The following RRAS2 variants were observed in gnomAD, a reference collection of about 807,000 sequenced individuals.
The protein encoded by RRAS2 is RAS related 2.
Under a neutral mutation model 27.6 loss-of-function variants are expected in RRAS2, and 7 were observed. That is an observed-to-expected ratio of 0.25 (90% CI 0.14 to 0.48). The LOEUF (loss-of-function observed/expected upper bound fraction) is 0.48. RRAS2 is among the 20% of genes least tolerant of loss of function. The pLI is 0.99. For synonymous variants in RRAS2, 86 were observed against 90.9 expected (o/e 0.95, Z 0.31); for missense variants, 178 against 256.2 (o/e 0.69, Z 2.08).
intron 1 of RRAS2, among the ~76,000 whole-genome samples, chr11:14,301,969 CGA>C (rs1410546086): frequency 3.2e-4 from 48 of 151,574 alleles, no homozygotes; most frequent in Non-Finnish European, 1.2e-4. Context: ...GGCAACAGAG[CGA>C]GACTCTTTCA....
chr11:14,335,389 T>C (rs1037469763), intron 1 of RRAS2, among the ~76,000 whole-genome samples: 5 of 152,242 alleles, frequency 3.3e-5, no homozygotes, highest in Non-Finnish European at 7.3e-5. Flanking sequence ...TACCTTCATA[T>C]GGCAGCCCCT....
chr11:14,282,109 G>A (rs527725016), intron 4 of RRAS2, among the ~76,000 whole-genome samples: 1 of 152,330 alleles, frequency 6.6e-6, no homozygotes, highest in African/African-American at 2.4e-5. Flanking sequence ...GAGTTGAGGG[G>A]TGGAGGGTGG....
chr11:14,331,298 A>T (rs143959876), intron 1 of RRAS2, among the ~76,000 whole-genome samples: 1 of 152,328 alleles, frequency 6.6e-6, no homozygotes, highest in East Asian at 1.9e-4. Flanking sequence ...TCAGTGTACT[A>T]AGTAAATATA....
chr11:14,329,947 T>A (rs571477067), intron 1 of RRAS2, among the ~76,000 whole-genome samples: 1 of 152,054 alleles, frequency 6.6e-6, no homozygotes, highest in Non-Finnish European at 1.5e-5. Context: ...TGGTGACACA[T>A]GCTTGTAGTC....
At position 14,278,606 on chromosome 11, in the gene RRAS2, T is replaced by A. The variant is rs1849436856; in HGVS notation, c.*731A>T. 1 of 152,232 alleles carries A rather than the reference T, an allele frequency of 6.6e-6. No homozygotes were observed. Among genetic ancestry groups the A allele is most frequent in the African/African-American group, 2.4e-5 (1 of 41,458 alleles). The allele number at this position is 152,232 out of a possible 1,614,324, so 9.4% of individuals were successfully genotyped here. On this transcript the variant is annotated 3_prime_UTR_variant, in exon 6 of 6. Transcript: ENST00000256196. ...CTTGAAAAGGAAGACAGAAGGAAAT[T>A]ATTCCTTTTTACCCTTAGCGTGGCT... is the stretch of plus-strand genomic sequence containing the variant.
At chr11:14,352,883 G>A (rs552723206) in intron 1 of RRAS2, among the ~76,000 whole-genome samples, 14 of 150,390 alleles carry the variant, frequency 9.3e-5, no homozygotes, top group Non-Finnish European at 1.9e-4. Flanking sequence ...ACAACCCTCC[G>A]ACTCCCAGGT....
At chr11:14,360,864 T>C (rs1230074367), upstream of RRAS2, among the ~76,000 whole-genome samples, 1 of 146,316 alleles carries the variant, frequency 6.8e-6, no homozygotes, top group East Asian at 2.0e-4. Flanking sequence ...GAAGTGACAG[T>C]GAGCCAAGTT....
chr11:14,324,295 T>C (rs1397405607), intron 1 of RRAS2, among the ~76,000 whole-genome samples: 1 of 151,976 alleles, frequency 6.6e-6, no homozygotes, highest in African/African-American at 2.4e-5. Flanking sequence ...TATAAAGCTA[T>C]TAGAAAGCTT....
At chr11:14,345,995 G>C (rs964933158) in intron 1 of RRAS2, among the ~76,000 whole-genome samples, 2 of 152,172 alleles carry the variant, frequency 1.3e-5, no homozygotes, top group Admixed American at 6.5e-5. Context: ...TTCCCTGTAA[G>C]TTGTTTCATT....
chr11:14,290,707 A>G (rs1317050982), intron 4 of RRAS2, among the ~76,000 whole-genome samples: 7 of 152,200 alleles, frequency 4.6e-5, no homozygotes, highest in African/African-American at 1.7e-4. Context: ...AACCATGTCA[A>G]ATGTCACTGA....
intron 1 of RRAS2, among the ~76,000 whole-genome samples, chr11:14,317,536 T>C (rs782669799): frequency 3.9e-5 from 6 of 152,146 alleles, no homozygotes; most frequent in African/African-American, 1.2e-4. Context: ...GCCAAGACCG[T>C]GCCATTGCAC....
intron 1 of RRAS2, 138 bp from the exon 2 acceptor site, chr11:14,295,993 C>T: frequency 1.6e-6 from 1 of 621,608 alleles, no homozygotes; most frequent in East Asian, 3.0e-5. Context: ...GGCAACACAG[C>T]AAGACTCTTA....
intron 3 of RRAS2, 27 bp downstream of exon 3, chr11:14,294,733 G>A (rs1847501451): frequency 6.3e-7 from 1 of 1,592,346 alleles, no homozygotes; most frequent in South Asian, 1.1e-5. Flanking sequence ...CAAGAACAGT[G>A]GATCTACATT....
At chr11:14,340,247 C>T (rs181125751) in intron 1 of RRAS2, among the ~76,000 whole-genome samples, 69 of 151,970 alleles carry the variant, frequency 4.5e-4, no homozygotes, top group Non-Finnish European at 3.8e-4. Context: ...CAGGCGCACC[C>T]CACCATGCCC....
intron 1 of RRAS2, among the ~76,000 whole-genome samples, chr11:14,302,534 G>A (rs1408650339): frequency 6.6e-6 from 1 of 152,150 alleles, no homozygotes; most frequent in African/African-American, 2.4e-5. Context: ...AAAAGGGCAA[G>A]AACAGCTAGT....
At chr11:14,343,423 A>G (rs1161445623) in intron 1 of RRAS2, among the ~76,000 whole-genome samples, 3 of 152,164 alleles carry the variant, frequency 2.0e-5, no homozygotes, top group Non-Finnish European at 2.9e-5. Context: ...CACCATTCCT[A>G]CTCCATTCTT....
At chr11:14,321,008 C>T (rs1848210052) in intron 1 of RRAS2, among the ~76,000 whole-genome samples, 1 of 151,962 alleles carries the variant, frequency 6.6e-6, no homozygotes, top group African/African-American at 2.4e-5. Flanking sequence ...TGGTAAACCC[C>T]GTCTCTACTA....
intron 4 of RRAS2, among the ~76,000 whole-genome samples, chr11:14,281,954 T>A (rs1284758391): frequency 2.6e-5 from 4 of 152,156 alleles, no homozygotes; most frequent in African/African-American, 9.7e-5. Context: ...CAAATACAGA[T>A]CACACAAAAA....
rs1847503068 is a variant in RRAS2 at position 14,294,813 on chromosome 11, A to G, written c.246T>C (p.Tyr82=). The G allele has an allele frequency of 1.2e-6, 2 of 1,613,736 alleles. No individual in the cohort carries two copies. Among genetic ancestry groups the G allele is most frequent in the African/African-American group, 1.3e-5 (1 of 74,902 alleles). The stretch of plus-strand genomic sequence containing the variant: ...ACAGGAAGCCTTCGCCAGTCCTCAT[A>G]TACTGTTCTCTCATGGCTCCAAACT... ...QEEFGAMREQ[Y]MRTGEGFLLV... is the part of the protein sequence containing the mutation. Residue 82 remains tyrosine, a synonymous_variant, in exon 3 of 6, where the codon TAT becomes TAC. Coordinates refer to ENST00000256196, the MANE Select transcript of RRAS2 (RefSeq NM_012250.6).
Sources: allele counts gnomAD v4.1 joint callset (sites outside exome capture counted in the v4.1 genomes callset), GRCh38; gene constraint gnomAD v4.1.1; transcripts MANE v1.5; gene names NCBI Gene and HGNC (gene_info 2026-07-23, HGNC 2026-07-21).